Variants in CNTN5 observed in about 807,000 individuals in gnomAD.
CNTN5 encodes contactin-5.
A neutral mutation model predicts 129.1 loss-of-function variants in CNTN5; 77 were observed. The ratio of observed to expected loss-of-function variants is 0.60; its 90% confidence interval spans 0.50 to 0.72. The LOEUF (loss-of-function observed/expected upper bound fraction) is 0.72. Among genes scored for constraint, CNTN5 ranks in the 30% least tolerant of loss-of-function variants. The probability of loss-of-function intolerance (pLI) is 0.00; values close to 1 mark genes in which losing one functional copy is unlikely to be tolerated. For missense variants in CNTN5, 1,478 were observed against 1,328.8 expected (o/e 1.11, Z -1.75); for synonymous variants, 509 against 465.6 (o/e 1.09, Z -1.20).
At chr11:99,975,409 T>C (rs956158978) in intron 8 of CNTN5, among the ~76,000 whole-genome samples, 1 of 152,150 alleles carries the variant, frequency 6.6e-6, no homozygotes, top group African/African-American at 2.4e-5. Flanking sequence ...ACCCATATTG[T>C]GAGCTCTAAG....
At chr11:100,131,521 A>G (rs1946379190) in intron 13 of CNTN5, among the ~76,000 whole-genome samples, 3 of 152,078 alleles carry the variant, frequency 2.0e-5, no homozygotes, top group African/African-American at 7.2e-5. Flanking sequence ...GGGGAAACTG[A>G]CACAAAAAGC....
chr11:99,081,014 C>T (rs149015535), intron 1 of CNTN5, among the ~76,000 whole-genome samples: 368 of 129,292 alleles, frequency 2.8e-3, no homozygotes, highest in African/African-American at 0.01. Context: ...AGAACATATA[C>T]CCTGTTGTCA....
intron 3 of CNTN5, among the ~76,000 whole-genome samples, chr11:99,616,886 C>T (rs189156330): frequency 0.011 from 1,673 of 152,168 alleles, 32 homozygotes; most frequent in African/African-American, 0.037. Context: ...CGAGGCGGGT[C>T]GATGACCTGA....
Position 99,980,328 on chromosome 11 carries a change from A to T in CNTN5, c.878-21706A>T, listed in dbSNP as rs188234817. 1.5e-4 allele frequency among the ~76,000 whole-genome samples: 23 copies of T among 152,354 alleles called. No homozygotes were observed. The East Asian group carries it at 4.2e-3, about 28-fold the overall frequency. ...AAATTGCTTGCTTCCTCAAACCTTG[A>T]TGTTACTAAACTTATTTAAGCCTGT... On this transcript the variant is annotated intron_variant, in intron 8 of 24. Transcript: ENST00000524871.
chr11:99,379,262 A>G (rs1451759426), intron 2 of CNTN5, among the ~76,000 whole-genome samples: 1 of 150,426 alleles, frequency 6.6e-6, no homozygotes, highest in Non-Finnish European at 1.5e-5. Flanking sequence ...AATTATATTA[A>G]TTAATTAATT....
chr11:99,524,329 T>C (rs1157990279), intron 2 of CNTN5, among the ~76,000 whole-genome samples: 2 of 152,214 alleles, frequency 1.3e-5, no homozygotes, highest in African/African-American at 2.4e-5. Flanking sequence ...AATTTAAAGG[T>C]ATAATAATAT....
rs554063266 is a variant in CNTN5, at chr11:99,900,639, T to C, written c.578-15415T>C. 2.6e-5 allele frequency among the ~76,000 whole-genome samples: 4 copies of C among 152,296 alleles called. No homozygotes were observed. In the East Asian group the frequency reaches 7.7e-4, roughly 29 times the overall value. On this transcript the variant is annotated intron_variant, in intron 6 of 24. Transcript: ENST00000524871. Reference sequence around the variant, plus strand: ...TAGATATTTCTACAACCCTTTACTTTGAACCTATGGATGTCATTACATGCA... The same window carrying C: ...TAGATATTTCTACAACCCTTTACTTCGAACCTATGGATGTCATTACATGCA...
At chr11:99,910,868 TAC>T (rs1215620605) in intron 6 of CNTN5, among the ~76,000 whole-genome samples, 2 of 152,108 alleles carry the variant, frequency 1.3e-5, no homozygotes, top group Non-Finnish European at 2.9e-5. Context: ...CAAAAAAATT[TAC>T]AGTGACCTGA....
intron 3 of CNTN5, among the ~76,000 whole-genome samples, chr11:99,700,945 CAT>C (rs1377090405): frequency 1.3e-5 from 2 of 151,152 alleles, no homozygotes; most frequent in African/African-American, 4.8e-5. Flanking sequence ...GGGAAGAAGA[CAT>C]AGGGCAGGTG....
At position 99,962,440 on chromosome 11, in the gene CNTN5, G is replaced by C. The variant is rs559392168; in HGVS notation, c.877+5431G>C. Among the ~76,000 whole-genome samples, 8 of 152,030 alleles carry C rather than the reference G, an allele frequency of 5.3e-5. No homozygotes were observed. In the South Asian group the frequency reaches 1.5e-3, roughly 28 times the overall value. On this transcript the variant is annotated intron_variant, in intron 8 of 24. Transcript: ENST00000524871. ...TTTTGTCCTTGCGATAGTTTGCTGA[G>C]AATGATGGTTTCCAGCTTCATTCAT... is the stretch of plus-strand genomic sequence containing the variant.
intron 9 of CNTN5, among the ~76,000 whole-genome samples, chr11:100,053,623 A>G (rs1943074514): frequency 6.6e-6 from 1 of 151,746 alleles, no homozygotes; most frequent in South Asian, 2.1e-4. Flanking sequence ...CTGTTGGTAG[A>G]CATGTTAAAT....
Position 99,931,792 on chromosome 11 carries a change from A to G in CNTN5, c.673+15643A>G, listed in dbSNP as rs1950198635. Among the ~76,000 whole-genome samples the G allele has an allele frequency of 3.3e-5, 5 of 152,364 alleles. No homozygotes were observed. In the South Asian group the frequency reaches 1.0e-3, roughly 32 times the overall value. On this transcript the variant is annotated intron_variant, in intron 7 of 24. Transcript: ENST00000524871. Reference sequence around the variant, plus strand: ...GCTTGCTCTAAAACTGAAGGCAGGAAGAAAGAAATGGGGTAACTTATGTAT... The same window carrying G: ...GCTTGCTCTAAAACTGAAGGCAGGAGGAAAGAAATGGGGTAACTTATGTAT...
intron 1 of CNTN5, among the ~76,000 whole-genome samples, chr11:99,118,800 AT>A (rs1182199186): frequency 8.6e-5 from 13 of 151,922 alleles, no homozygotes; most frequent in African/African-American, 3.1e-4. Flanking sequence ...TGTAACCTAA[AT>A]TTCCAAAATG....
At chr11:99,304,298 CAG>C (rs973138174) in intron 1 of CNTN5, among the ~76,000 whole-genome samples, 13 of 152,098 alleles carry the variant, frequency 8.5e-5, no homozygotes, top group African/African-American at 3.1e-4. Context: ...TCTCATATTA[CAG>C]AGTTACTTCT....
intron 4 of CNTN5, among the ~76,000 whole-genome samples, chr11:99,842,469 A>G (rs1037214218): frequency 2.0e-5 from 3 of 152,208 alleles, no homozygotes; most frequent in Non-Finnish European, 4.4e-5. Context: ...ATTATCCACA[A>G]ATAATACTTG....
intron 8 of CNTN5, among the ~76,000 whole-genome samples, chr11:99,974,871 G>GA (rs890801607): frequency 8.6e-5 from 13 of 151,598 alleles, no homozygotes; most frequent in African/African-American, 2.4e-4. Context: ...GGTTATAAAG[G>GA]AAAAAAAATA....
chr11:99,305,177 A>G (rs1020572748), intron 1 of CNTN5, among the ~76,000 whole-genome samples: 2 of 152,202 alleles, frequency 1.3e-5, no homozygotes, highest in African/African-American at 4.8e-5. Context: ...AAAATAAAAC[A>G]CAGCAATTAG....
chr11:99,158,014 T>C (rs1279471965), intron 1 of CNTN5, among the ~76,000 whole-genome samples: 1 of 152,176 alleles, frequency 6.6e-6, no homozygotes, highest in East Asian at 1.9e-4. Flanking sequence ...TTATGCTAAA[T>C]AATCATCTCA....
intron 6 of CNTN5, among the ~76,000 whole-genome samples, chr11:99,877,712 A>G (rs2135841684): frequency 6.6e-6 from 1 of 152,302 alleles, no homozygotes; most frequent in African/African-American, 2.4e-5. Flanking sequence ...AATATACAAT[A>G]CTGTGCAGCT....
Sources: gnomAD v4.1 joint callset for allele counts (sites outside exome capture counted in the v4.1 genomes callset) on GRCh38, gnomAD v4.1.1 for gene constraint, MANE v1.5 for transcripts, NCBI Gene and HGNC (gene_info 2026-07-23, HGNC 2026-07-21) for gene names.